The following PCDH15 variants were observed in gnomAD, a reference collection of about 807,000 sequenced individuals.
The protein encoded by PCDH15 is protocadherin-15.
PCDH15 carries 129 observed loss-of-function variants against 178.5 expected under a neutral mutation model. The observed-to-expected ratio is 0.72, with a 90% CI of 0.63 to 0.84. The LOEUF (loss-of-function observed/expected upper bound fraction) is 0.84. Ranked by LOEUF, PCDH15 falls within the 40% of genes least tolerant of loss-of-function variation. The probability of loss-of-function intolerance (pLI) is 0.00; values close to 1 mark genes in which losing one functional copy is unlikely to be tolerated. For synonymous variants in PCDH15, 800 were observed against 732.0 expected (o/e 1.09, Z -1.50); for missense variants, 2,230 against 2,099.9 (o/e 1.06, Z -1.21).
intron 1 of PCDH15, among the ~76,000 whole-genome samples, chr10:55,180,567 T>G (rs1295830160): frequency 1.3e-5 from 2 of 152,130 alleles, no homozygotes; most frequent in Non-Finnish European, 2.9e-5. Flanking sequence ...TCCTGAGTTA[T>G]GCACCACAGA....
intron 18 of PCDH15, among the ~76,000 whole-genome samples, chr10:54,026,719 G>C (rs143933304): frequency 1.3e-5 from 2 of 152,162 alleles, no homozygotes; most frequent in East Asian, 3.9e-4. Context: ...TGCAGAAAAA[G>C]CGTTTGACAA....
intron 3 of PCDH15, among the ~76,000 whole-genome samples, chr10:54,814,507 G>T (rs1952917879): frequency 6.6e-6 from 1 of 152,038 alleles, no homozygotes; most frequent in Non-Finnish European, 1.5e-5. Flanking sequence ...TTACAGAACA[G>T]AAAGCTGAGT....
In PCDH15 at chr10:55,390,244, C is replaced by A. The variant is rs529121942; in HGVS notation, c.-155-223593G>T. 5.7e-4 allele frequency among the ~76,000 whole-genome samples: 87 copies of A among 152,108 alleles called. 1 individual carries two copies. In the South Asian group the frequency reaches 0.018, roughly 31 times the overall value. On this transcript the variant is annotated intron_variant, in intron 2 of 5. Transcript: ENST00000613346. ...TATACACCTTAATTAAAAAATACAT[C>A]TTTGCAAAAAAGTGTGAATGATCAT...
intron 23 of PCDH15, among the ~76,000 whole-genome samples, chr10:53,956,280 G>A (rs2087606036): frequency 6.6e-6 from 1 of 152,058 alleles, no homozygotes; most frequent in Non-Finnish European, 1.5e-5. Flanking sequence ...ATAAGGAGAG[G>A]AAATGTAATC....
intron 2 of PCDH15, among the ~76,000 whole-genome samples, chr10:55,365,522 A>G (rs1278417109): frequency 6.6e-6 from 1 of 152,026 alleles, no homozygotes; most frequent in Non-Finnish European, 1.5e-5. Context: ...GGGTGTGTTC[A>G]CACCCAAATC....
At chr10:54,254,207 C>T (rs567483051) in intron 8 of PCDH15, among the ~76,000 whole-genome samples, 49 of 152,096 alleles carry the variant, frequency 3.2e-4, no homozygotes, top group African/African-American at 1.0e-3. Flanking sequence ...TGTCTCACCC[C>T]GTGGTTAGTG....
intron 18 of PCDH15, among the ~76,000 whole-genome samples, chr10:54,028,604 A>C (rs2093191768): frequency 1.3e-5 from 2 of 148,966 alleles, no homozygotes; most frequent in South Asian, 2.1e-4. Flanking sequence ...AATACTATGC[A>C]GCCATAAAAA....
chr10:55,561,368 CT>C (rs1419863624), intron 2 of PCDH15, among the ~76,000 whole-genome samples: 1 of 151,782 alleles, frequency 6.6e-6, no homozygotes, highest in Non-Finnish European at 1.5e-5. Flanking sequence ...GCAAACAAAA[CT>C]TTGTCATCAT....
chr10:54,753,598 C>A (rs1048985133), intron 1 of PCDH15, among the ~76,000 whole-genome samples: 5 of 152,296 alleles, frequency 3.3e-5, no homozygotes, highest in African/African-American at 1.2e-4. Flanking sequence ...CATTTTTTAA[C>A]CACAGTGTAA....
At chr10:54,064,397 T>G (rs574463331) in intron 18 of PCDH15, among the ~76,000 whole-genome samples, 3 of 152,246 alleles carry the variant, frequency 2.0e-5, no homozygotes, top group South Asian at 2.1e-4. Flanking sequence ...AAGTTTTCAC[T>G]CTGGGCCACG....
intron 20 of PCDH15, among the ~76,000 whole-genome samples, chr10:54,000,285 C>T (rs1177302722): frequency 6.6e-6 from 1 of 152,060 alleles, no homozygotes; most frequent in Non-Finnish European, 1.5e-5. Context: ...AGACAAACAT[C>T]CACAAGCATC....
chr10:54,793,353 G>A (rs530663706), intron 1 of PCDH15, among the ~76,000 whole-genome samples: 1 of 151,830 alleles, frequency 6.6e-6, no homozygotes, highest in Non-Finnish European at 1.5e-5. Context: ...CACCCACCCA[G>A]AGGCAATGAG....
chr10:55,186,194 A>G (rs1258773804), intron 1 of PCDH15, among the ~76,000 whole-genome samples: 3 of 151,640 alleles, frequency 2.0e-5, no homozygotes, highest in East Asian at 3.9e-4. Flanking sequence ...AAATGATTTT[A>G]GTCATACAGA....
chr10:55,426,233 C>T (rs1214193461), intron 2 of PCDH15, among the ~76,000 whole-genome samples: 1 of 152,072 alleles, frequency 6.6e-6, no homozygotes, highest in Non-Finnish European at 1.5e-5. Context: ...CTTGGTGGGA[C>T]TCGTGAAGGT....
chr10:55,577,552 C>T (rs1187904559), intron 2 of PCDH15, among the ~76,000 whole-genome samples: 1 of 152,080 alleles, frequency 6.6e-6, no homozygotes, highest in Non-Finnish European at 1.5e-5. Context: ...AAATTATTAT[C>T]AGTAACTATT....
chr10:55,366,645 G>T (rs914878359), intron 2 of PCDH15, among the ~76,000 whole-genome samples: 8 of 152,210 alleles, frequency 5.3e-5, no homozygotes, highest in Middle Eastern at 3.4e-3. Context: ...TTTTTAGGAT[G>T]CATAGACAAT....
chr10:54,176,796 T>C (rs1452659440), intron 13 of PCDH15, among the ~76,000 whole-genome samples: 1 of 152,134 alleles, frequency 6.6e-6, no homozygotes, highest in African/African-American at 2.4e-5. Flanking sequence ...CACATAGGCA[T>C]GGAAAAGGAA....
intron 3 of PCDH15, among the ~76,000 whole-genome samples, chr10:54,858,384 T>C (rs536715477): frequency 6.6e-6 from 1 of 152,334 alleles, no homozygotes; most frequent in South Asian, 2.1e-4. Flanking sequence ...TTGCTACTCC[T>C]TGTTTGTATA....
intron 2 of PCDH15, among the ~76,000 whole-genome samples, chr10:55,612,554 A>T (rs1461658580): frequency 2.0e-5 from 3 of 152,152 alleles, no homozygotes; most frequent in African/African-American, 7.2e-5. Flanking sequence ...AACTCCCATT[A>T]TACTGAAATT....
Sources: gnomAD v4.1 joint callset for allele counts (sites outside exome capture counted in the v4.1 genomes callset) on GRCh38, gnomAD v4.1.1 for gene constraint, MANE v1.5 for transcripts, NCBI Gene and HGNC (gene_info 2026-07-23, HGNC 2026-07-21) for gene names.